Variants in SLC41A2 observed in about 807,000 individuals in gnomAD.
The protein encoded by SLC41A2 is SLC41A1-like 1.
SLC41A2 carries 32 observed loss-of-function variants against 58.3 expected under a neutral mutation model. That is an observed-to-expected ratio of 0.55 (90% CI 0.41 to 0.74). The LOEUF (loss-of-function observed/expected upper bound fraction) is 0.74. Ranked by LOEUF, SLC41A2 falls within the 30% of genes least tolerant of loss-of-function variation. SLC41A2 has a pLI of 0.00. For synonymous variants in SLC41A2, 190 were observed against 235.0 expected (o/e 0.81, Z 1.75); for missense variants, 514 against 680.6 (o/e 0.76, Z 2.72).
At chr12:104,891,508 ATAT>A (rs1249249798) in intron 4 of SLC41A2, among the ~76,000 whole-genome samples, 11 of 148,230 alleles carry the variant, frequency 7.4e-5, no homozygotes, top group African/African-American at 2.7e-4. Flanking sequence ...TTATTTTTAT[ATAT>A]TATTTATATA....
In SLC41A2 at chr12:104,817,435, G is replaced by A. The variant is rs529803287; in HGVS notation, c.1537-12098C>T. 7.9e-5 allele frequency among the ~76,000 whole-genome samples: 12 copies of A among 152,250 alleles called. No homozygotes were observed. The East Asian group carries it at 2.1e-3, about 27-fold the overall frequency. On this transcript the variant is annotated intron_variant, in intron 10 of 10. Coordinates refer to ENST00000258538, the MANE Select transcript of SLC41A2 (RefSeq NM_001352171.3). ...TGCTAATCATTTAACTTAGCTGACA[G>A]TAACTTTACTTTATAAATTTTTTAA...
intron 10 of SLC41A2, among the ~76,000 whole-genome samples, chr12:104,821,210 T>G (rs975329121): frequency 6.6e-5 from 10 of 152,212 alleles, no homozygotes; most frequent in East Asian, 3.9e-4. Flanking sequence ...ATTACATATA[T>G]AGAGAGAGAG....
At chr12:104,925,942 G>T (rs1199580807) in intron 2 of SLC41A2, among the ~76,000 whole-genome samples, 1 of 152,118 alleles carries the variant, frequency 6.6e-6, no homozygotes, top group Non-Finnish European at 1.5e-5. Context: ...GTGGATGTAG[G>T]TTTGCTCTCT....
In SLC41A2 at chr12:104,889,037, C is replaced by A; in HGVS notation, c.876G>T (p.Leu292=). The change falls in exon 5 of 11, where the codon CTG becomes CTT. Residue 292 remains leucine (L), a synonymous_variant. Coordinates refer to ENST00000258538, the MANE Select transcript of SLC41A2 (RefSeq NM_001352171.3). ...GACATTTATAAATTCACTTACCCTG[C>A]AGAAGAGATGCAATGAAGGCAGTTG... ...SVATAFIASL[L]QGIIMVGVIV... 6.3e-7 allele frequency: 1 copy of A among 1,586,026 alleles called. No individual in the cohort carries two copies. Among genetic ancestry groups the A allele is most frequent in the Non-Finnish European group, 8.5e-7 (1 of 1,172,878 alleles).
chr12:104,910,930 TC>T (rs762617707), intron 2 of SLC41A2, among the ~76,000 whole-genome samples: 1 of 152,016 alleles, frequency 6.6e-6, no homozygotes, highest in Non-Finnish European at 1.5e-5. Flanking sequence ...TAACTAAGAG[TC>T]TGGCAACTTT....
chr12:104,885,914 A>G (rs935849783), intron 6 of SLC41A2, among the ~76,000 whole-genome samples: 1 of 152,120 alleles, frequency 6.6e-6, no homozygotes, highest in African/African-American at 2.4e-5. Context: ...CTATACAGAG[A>G]ACACTGCAGG....
chr12:104,855,161 A>G (rs79962343), intron 8 of SLC41A2, among the ~76,000 whole-genome samples: 2,803 of 152,292 alleles, frequency 0.018, 105 homozygotes, highest in African/African-American at 0.063. Context: ...TCAATTAATT[A>G]ATATGAAGTC....
At position 104,886,149 on chromosome 12, in the gene SLC41A2, A is replaced by T. The variant is rs1045698295; in HGVS notation, c.1027+144T>A. The T allele has an allele frequency of 1.5e-5, 12 of 799,260 alleles. No individual in the cohort carries two copies. The East Asian group carries it at 3.0e-4, about 20-fold the overall frequency. The allele number at this position is 799,260 out of a possible 1,614,324, so 49.5% of individuals were successfully genotyped here. ...GGGAATCATAACACATAGTAGGTAT[A>T]AAACAAATGATAGTTATCCTAATCA... On this transcript the variant is annotated intron_variant, in intron 6 of 10. Transcript: ENST00000258538.
chr12:104,824,414 G>C (rs1223521469), intron 10 of SLC41A2, among the ~76,000 whole-genome samples: 2 of 152,202 alleles, frequency 1.3e-5, no homozygotes, highest in African/African-American at 2.4e-5. Context: ...GGCTGGGGCA[G>C]TTGGAGGAGA....
At chr12:104,882,910 G>C (rs531926344) in intron 6 of SLC41A2, among the ~76,000 whole-genome samples, 1 of 152,334 alleles carries the variant, frequency 6.6e-6, no homozygotes, top group African/African-American at 2.4e-5. Flanking sequence ...ATCCTGAAGA[G>C]TGTTTTCCAA....
At chr12:104,857,750 C>A (rs1159202177) in intron 8 of SLC41A2, among the ~76,000 whole-genome samples, 1 of 149,374 alleles carries the variant, frequency 6.7e-6, no homozygotes, top group Non-Finnish European at 1.5e-5. Flanking sequence ...CAAACTATCG[C>A]AAGGACAGAA....
At chr12:104,844,705 T>C in intron 9 of SLC41A2, 85 bp from the exon 10 acceptor site, 1 of 646,824 alleles carries the variant, frequency 1.5e-6, no homozygotes. Flanking sequence ...TGAGGATTAC[T>C]TTCTAGTTAC....
chr12:104,885,817 T>A (rs2044629150), intron 6 of SLC41A2, among the ~76,000 whole-genome samples: 1 of 152,100 alleles, frequency 6.6e-6, no homozygotes. Context: ...GCCATGAAGC[T>A]ACTTATTGGT....
intron 3 of SLC41A2, among the ~76,000 whole-genome samples, chr12:104,902,761 C>G (rs2045620735): frequency 6.6e-6 from 1 of 152,098 alleles, no homozygotes; most frequent in African/African-American, 2.4e-5. Context: ...AGAAAATAAT[C>G]AGTGAAGAGT....
At chr12:104,890,065 G>C (rs2135672148) in intron 4 of SLC41A2, among the ~76,000 whole-genome samples, 1 of 152,214 alleles carries the variant, frequency 6.6e-6, no homozygotes, top group East Asian at 1.9e-4. Flanking sequence ...AAACTCTATA[G>C]AATAGAGTTC....
rs781382136 is a variant in SLC41A2, at chr12:104,802,144, T to G, written c.*3008A>C. Among the ~76,000 whole-genome samples the G allele has an allele frequency of 4.5e-4, 68 of 152,228 alleles. No individual in the cohort carries two copies. Among genetic ancestry groups the G allele is most frequent in the Non-Finnish European group, 7.1e-4 (48 of 68,014 alleles). On this transcript the variant is annotated 3_prime_UTR_variant, in exon 11 of 11. Transcript: ENST00000258538. ...ACCAGAACACATATTACCATAAGTT[T>G]CCATTTTATCAGGTTCTAAGAAACT...
chr12:104,809,141 T>C (rs1293702807), intron 10 of SLC41A2, among the ~76,000 whole-genome samples: 1 of 152,244 alleles, frequency 6.6e-6, no homozygotes, highest in Non-Finnish European at 1.5e-5. Flanking sequence ...TTAAATAATA[T>C]ACTAAATAAT....
chr12:104,929,839 C>T (rs948664911), intron 1 of SLC41A2, among the ~76,000 whole-genome samples: 7 of 152,358 alleles, frequency 4.6e-5, no homozygotes, highest in Admixed American at 2.6e-4. Context: ...ACTATTGCTG[C>T]TTTTAATGAA....
intron 10 of SLC41A2, among the ~76,000 whole-genome samples, chr12:104,829,288 T>C (rs1046711937): frequency 6.6e-6 from 1 of 152,236 alleles, no homozygotes; most frequent in Non-Finnish European, 1.5e-5. Context: ...TTGTGATTTA[T>C]TCATACAATG....
Sources: gnomAD v4.1 joint callset for allele counts (sites outside exome capture counted in the v4.1 genomes callset) on GRCh38, gnomAD v4.1.1 for gene constraint, MANE v1.5 for transcripts, NCBI Gene and HGNC (gene_info 2026-07-23, HGNC 2026-07-21) for gene names.